AGBL4: variants seen among roughly 807,000 people sequenced by gnomAD.
The protein encoded by AGBL4 is cytosolic carboxypeptidase 6.
AGBL4 carries 58 observed loss-of-function variants against 66.4 expected under a neutral mutation model. The ratio of observed to expected loss-of-function variants is 0.87; its 90% CI spans 0.71 to 1.09. The LOEUF (loss-of-function observed/expected upper bound fraction) is 1.09, where lower values mean the gene tolerates loss of function less well. Ranked by LOEUF, AGBL4 falls within the 50% of genes least tolerant of loss-of-function variation. The pLI, the probability that AGBL4 is intolerant of heterozygous loss-of-function variation, is 0.00. For missense variants in AGBL4, 579 were observed against 631.0 expected, an observed-to-expected ratio of 0.92 and a Z score of 0.88; for synonymous variants, 234 against 222.9, an observed-to-expected ratio of 1.05 and a Z score of -0.44.
chr1:49,970,708 AACAC>A (rs373722460), intron 1 of AGBL4, among the ~76,000 whole-genome samples: 3,148 of 113,984 alleles, frequency 0.028, 123 homozygotes, highest in African/African-American at 0.08. Flanking sequence ...AAAAAAACAA[AACAC>A]ACACACACAC....
intron 3 of AGBL4, among the ~76,000 whole-genome samples, chr1:49,614,267 T>A (rs1318118619): frequency 6.6e-6 from 1 of 152,096 alleles, no homozygotes; most frequent in East Asian, 1.9e-4. Flanking sequence ...TATAGACTAG[T>A]TTTGTTGTTT....
At chr1:49,090,304 T>C (rs1222723556) in intron 4 of AGBL4, among the ~76,000 whole-genome samples, 1 of 152,144 alleles carries the variant, frequency 6.6e-6, no homozygotes, top group Non-Finnish European at 1.5e-5. Flanking sequence ...ACTATCCCCG[T>C]TTGCAGACTA....
chr1:48,587,200 G>A (rs372414343), intron 10 of AGBL4, 34 bp from the exon 11 acceptor site: 23 of 1,520,652 alleles, frequency 1.5e-5, no homozygotes, highest in East Asian at 7.4e-5. Context: ...AGAGAATCAC[G>A]GCACCTGCTG....
intron 4 of AGBL4, among the ~76,000 whole-genome samples, chr1:49,073,852 G>A (rs1038830081): frequency 1.6e-4 from 24 of 152,332 alleles, no homozygotes; most frequent in African/African-American, 5.5e-4. Flanking sequence ...TGTGCCCACA[G>A]CTGCCCTTTC....
Position 49,055,198 on chromosome 1 carries a change from G to C in AGBL4, c.378-9398C>G, listed in dbSNP as rs1218384396. Among the ~76,000 whole-genome samples the C allele has an allele frequency of 2.0e-5, 3 of 151,838 alleles. 1 individual carries two copies. Among genetic ancestry groups the C allele is most frequent in the African/African-American group, 7.2e-5 (3 of 41,386 alleles). Reference sequence around the variant, plus strand: ...TTGTACTACAGTGGAATAAAATTGAGAAGGCCTTCAGTTTTATAATATCTA... The same window carrying C: ...TTGTACTACAGTGGAATAAAATTGACAAGGCCTTCAGTTTTATAATATCTA... On this transcript the variant is annotated intron_variant, in intron 4 of 13. Coordinates refer to ENST00000371839, the MANE Select transcript of AGBL4 (RefSeq NM_032785.4).
At chr1:49,493,178 C>T (rs1647245723) in intron 3 of AGBL4, among the ~76,000 whole-genome samples, 1 of 151,906 alleles carries the variant, frequency 6.6e-6, no homozygotes, top group South Asian at 2.1e-4. Flanking sequence ...TGGGTGGGGA[C>T]ACAGGCAAAC....
At chr1:48,754,419 T>C (rs1431524461) in intron 6 of AGBL4, among the ~76,000 whole-genome samples, 1 of 152,142 alleles carries the variant, frequency 6.6e-6, no homozygotes, top group African/African-American at 2.4e-5. Flanking sequence ...AACCCAGTCC[T>C]GGAACAAAGG....
chr1:49,359,910 C>A (rs138753010), intron 3 of AGBL4, among the ~76,000 whole-genome samples: 78 of 152,240 alleles, frequency 5.1e-4, no homozygotes, highest in African/African-American at 1.7e-3. Flanking sequence ...CAATTAAAAT[C>A]AGGACAGTCC....
chr1:49,422,899 T>C (rs1645575222), intron 3 of AGBL4, among the ~76,000 whole-genome samples: 2 of 152,198 alleles, frequency 1.3e-5, no homozygotes, highest in Admixed American at 1.3e-4. Flanking sequence ...CCGTGTGCTC[T>C]CTAAACTCAA....
In AGBL4 at chr1:49,433,721, G is replaced by T. The variant is rs546279599; in HGVS notation, c.283-187857C>A. On this transcript the variant is annotated intron_variant, in intron 3 of 13. Coordinates refer to ENST00000371839, the MANE Select transcript of AGBL4 (RefSeq NM_032785.4). ...ATTCTACCTTTTTAGTAGTTGTATT[G>T]CTTGCAGCCAGTTATTTGGTATATT... Among the ~76,000 whole-genome samples the T allele has an allele frequency of 1.1e-4, 17 of 152,162 alleles. No homozygotes were observed. The South Asian group carries it at 3.3e-3, about 30-fold the overall frequency.
At chr1:48,881,526 T>C (rs1649783213) in intron 5 of AGBL4, among the ~76,000 whole-genome samples, 2 of 152,290 alleles carry the variant, frequency 1.3e-5, no homozygotes, top group African/African-American at 4.8e-5. Flanking sequence ...TGGGCCTGAA[T>C]TGGCACCAAA....
chr1:48,864,411 A>G (rs922925663), intron 6 of AGBL4, among the ~76,000 whole-genome samples: 4 of 152,212 alleles, frequency 2.6e-5, no homozygotes, highest in African/African-American at 9.6e-5. Context: ...GCATATAATT[A>G]ATAAATCATT....
At chr1:49,666,007 T>TA (rs1466549223) in intron 3 of AGBL4, among the ~76,000 whole-genome samples, 2 of 151,700 alleles carry the variant, frequency 1.3e-5, no homozygotes, top group African/African-American at 4.8e-5. Context: ...TTAAAATTTT[T>TA]AAAAAATTTT....
chr1:49,662,064 G>T (rs887523765), intron 3 of AGBL4, among the ~76,000 whole-genome samples: 8 of 151,552 alleles, frequency 5.3e-5, no homozygotes, highest in African/African-American at 1.2e-4. Context: ...CAGACAAAAA[G>T]AAATAATAAT....
chr1:49,739,662 G>A (rs1382225389), intron 2 of AGBL4, among the ~76,000 whole-genome samples: 3 of 152,138 alleles, frequency 2.0e-5, no homozygotes, highest in African/African-American at 7.2e-5. Flanking sequence ...GAAAGGTTGG[G>A]TTACCCACAT....
intron 6 of AGBL4, among the ~76,000 whole-genome samples, chr1:48,744,926 C>T (rs1650498419): frequency 6.6e-6 from 1 of 152,230 alleles, no homozygotes; most frequent in Admixed American, 6.5e-5. Flanking sequence ...GTCTGCCAAG[C>T]ACCCAGTTAG....
chr1:49,866,524 G>T (rs923995985), intron 1 of AGBL4, among the ~76,000 whole-genome samples: 1 of 152,144 alleles, frequency 6.6e-6, no homozygotes, highest in African/African-American at 2.4e-5. Flanking sequence ...AGCACTTTGG[G>T]AGGCCAAGGT....
At chr1:49,302,618 ATTT>A (rs1388084949) in intron 3 of AGBL4, among the ~76,000 whole-genome samples, 2 of 94,202 alleles carry the variant, frequency 2.1e-5, no homozygotes, top group Non-Finnish European at 3.9e-5. Flanking sequence ...TTTTTATTTT[ATTT>A]TATTTTATTT....
At chr1:49,356,696 T>C (rs1022509937) in intron 3 of AGBL4, among the ~76,000 whole-genome samples, 3 of 152,184 alleles carry the variant, frequency 2.0e-5, no homozygotes, top group Non-Finnish European at 4.4e-5. Context: ...TATTAGTATT[T>C]CATTCTGACA....
Sources: gnomAD v4.1 joint callset for allele counts (sites outside exome capture counted in the v4.1 genomes callset) on GRCh38, gnomAD v4.1.1 for gene constraint, MANE v1.5 for transcripts, NCBI Gene and HGNC (gene_info 2026-07-23, HGNC 2026-07-21) for gene names.